Variants in CHRM3 observed in about 807,000 individuals in gnomAD.
CHRM3 encodes cholinergic receptor muscarinic 3.
In CHRM3, 11 loss-of-function variants were observed where a neutral mutation model predicts 41.8. The ratio of observed to expected loss-of-function variants is 0.26; its 90% CI spans 0.17 to 0.44. CHRM3 has a LOEUF of 0.44. Ranked by LOEUF, CHRM3 falls within the 20% of genes least tolerant of loss-of-function variation. The pLI is 1.00. For missense variants in CHRM3, 571 were observed against 745.4 expected (o/e 0.77, Z 2.72); for synonymous variants, 297 against 301.4 (o/e 0.99, Z 0.15).
At chr1:239,595,157 T>G (rs116078231) in intron 3 of CHRM3, among the ~76,000 whole-genome samples, 4,603 of 152,276 alleles carry the variant, frequency 0.03, 86 homozygotes, top group Middle Eastern at 0.058. Context: ...GGACTTTTAT[T>G]CCCTAAACAA....
chr1:239,511,669 G>T (rs1311524350), intron 2 of CHRM3, among the ~76,000 whole-genome samples: 1 of 152,116 alleles, frequency 6.6e-6, no homozygotes, highest in Non-Finnish European at 1.5e-5. Context: ...GGGACGTTTT[G>T]CCAGAAATAT....
At chr1:239,779,051 C>T (rs1473550573) in intron 5 of CHRM3, among the ~76,000 whole-genome samples, 1 of 152,104 alleles carries the variant, frequency 6.6e-6, no homozygotes, top group Non-Finnish European at 1.5e-5. Context: ...TTAATATTTC[C>T]ATCTTAATAT....
At chr1:239,880,004 G>C (rs968982168) in intron 6 of CHRM3, among the ~76,000 whole-genome samples, 17 of 152,218 alleles carry the variant, frequency 1.1e-4, no homozygotes, top group African/African-American at 3.6e-4. Flanking sequence ...GCCAATCACT[G>C]TGATGAGGTT....
intron 3 of CHRM3, among the ~76,000 whole-genome samples, chr1:239,602,236 G>T: frequency 6.6e-6 from 1 of 151,276 alleles, no homozygotes; most frequent in East Asian, 1.9e-4. Flanking sequence ...CCAGGTTCAC[G>T]CCCGTCTTCC....
intron 5 of CHRM3, among the ~76,000 whole-genome samples, chr1:239,722,708 T>G (rs1663088923): frequency 6.6e-6 from 1 of 151,970 alleles, no homozygotes; most frequent in African/African-American, 2.4e-5. Flanking sequence ...AGAACTGAGT[T>G]AACATATTCA....
chr1:239,602,089 C>CGTGTGT (rs1553337591), intron 3 of CHRM3, among the ~76,000 whole-genome samples: 26 of 13,072 alleles, frequency 2.0e-3, no homozygotes, highest in African/African-American at 3.2e-3. Context: ...TACATATATA[C>CGTGTGT]ATGTGTGTGT....
chr1:239,668,388 C>T (rs1049366815), intron 4 of CHRM3, among the ~76,000 whole-genome samples: 1 of 151,934 alleles, frequency 6.6e-6, no homozygotes, highest in African/African-American at 2.4e-5. Context: ...CGTGTCTGGC[C>T]CAAATACACT....
At chr1:239,568,074 C>T (rs551231621) in intron 3 of CHRM3, among the ~76,000 whole-genome samples, 8 of 152,236 alleles carry the variant, frequency 5.3e-5, no homozygotes, top group African/African-American at 9.6e-5. Context: ...CCAGGAAGTG[C>T]CGGCTGCAGA....
At chr1:239,787,352 T>A (rs1229854906) in intron 5 of CHRM3, among the ~76,000 whole-genome samples, 1 of 151,908 alleles carries the variant, frequency 6.6e-6, no homozygotes, top group Non-Finnish European at 1.5e-5. Flanking sequence ...CACCTGCATA[T>A]GGACTGAGGA....
At chr1:239,787,843 G>T (rs1669031815) in intron 5 of CHRM3, among the ~76,000 whole-genome samples, 1 of 151,930 alleles carries the variant, frequency 6.6e-6, no homozygotes, top group African/African-American at 2.4e-5. Flanking sequence ...TTCATATTTG[G>T]GAATTAAATG....
intron 2 of CHRM3, among the ~76,000 whole-genome samples, chr1:239,505,997 T>C (rs1046222529): frequency 2.6e-5 from 4 of 152,170 alleles, no homozygotes; most frequent in African/African-American, 7.2e-5. Flanking sequence ...CTGAGAGGTA[T>C]GTAAGGTATC....
intron 2 of CHRM3, among the ~76,000 whole-genome samples, chr1:239,504,831 A>G (rs1225704630): frequency 6.6e-6 from 1 of 152,108 alleles, no homozygotes; most frequent in Non-Finnish European, 1.5e-5. Flanking sequence ...CAAACATCAT[A>G]TATTCTCACT....
intron 2 of CHRM3, among the ~76,000 whole-genome samples, chr1:239,508,806 G>T (rs20438): frequency 0.03 from 4,563 of 152,258 alleles, 170 homozygotes; most frequent in African/African-American, 0.086. Context: ...AATGGGATAT[G>T]TTACTCAGTC....
chr1:239,635,754 G>C (rs1278065212), intron 4 of CHRM3, among the ~76,000 whole-genome samples: 1 of 152,136 alleles, frequency 6.6e-6, no homozygotes, highest in Admixed American at 6.6e-5. Flanking sequence ...AGCCCCATGA[G>C]GGCAGGGCCT....
chr1:239,560,120 T>C (rs554693507), intron 3 of CHRM3, among the ~76,000 whole-genome samples: 2 of 152,358 alleles, frequency 1.3e-5, no homozygotes, highest in East Asian at 3.9e-4. Flanking sequence ...TTGAGAAATT[T>C]GTGTTTGATA....
chr1:239,388,945 T>C (rs767003413), intron 1 of CHRM3, among the ~76,000 whole-genome samples: 2 of 152,220 alleles, frequency 1.3e-5, no homozygotes, highest in South Asian at 2.1e-4. Flanking sequence ...TATGGAAATA[T>C]AACGTTCGCT....
chr1:239,569,358 C>A (rs1228221064), intron 3 of CHRM3, among the ~76,000 whole-genome samples: 1 of 152,134 alleles, frequency 6.6e-6, no homozygotes, highest in Non-Finnish European at 1.5e-5. Flanking sequence ...CTTTGAGTGA[C>A]TTACTTCACA....
chr1:239,483,235 T>C (rs1308322373), intron 1 of CHRM3, among the ~76,000 whole-genome samples: 1 of 152,242 alleles, frequency 6.6e-6, no homozygotes, highest in Non-Finnish European at 1.5e-5. Context: ...AGGAAGATAT[T>C]AAAGATTTAC....
chr1:239,871,555 A>G (rs1236292623), intron 6 of CHRM3, among the ~76,000 whole-genome samples: 1 of 152,142 alleles, frequency 6.6e-6, no homozygotes, highest in African/African-American at 2.4e-5. Flanking sequence ...ATTATTTTCT[A>G]TGTCTTATGT....
Sources: allele counts gnomAD v4.1 joint callset (sites outside exome capture counted in the v4.1 genomes callset), GRCh38; gene constraint gnomAD v4.1.1; transcripts MANE v1.5; gene names NCBI Gene and HGNC (gene_info 2026-07-23, HGNC 2026-07-21).